GABRB1: variants seen among roughly 807,000 people sequenced by gnomAD.
GABRB1 encodes gamma-aminobutyric acid type A receptor subunit beta1.
In GABRB1, 17 loss-of-function variants were observed where a neutral mutation model predicts 51.6. The observed-to-expected ratio is 0.33, with a 90% CI of 0.23 to 0.49. The LOEUF (loss-of-function observed/expected upper bound fraction) is 0.49, where lower values mean the gene tolerates loss of function less well. Ranked by LOEUF, GABRB1 falls within the 20% of genes least tolerant of loss-of-function variation. GABRB1 has a pLI of 0.99. For missense variants in GABRB1, 410 were observed against 600.6 expected (o/e 0.68, Z 3.32); for synonymous variants, 247 against 218.9 (o/e 1.13, Z -1.14).
intron 3 of GABRB1, among the ~76,000 whole-genome samples, chr4:47,147,048 G>T (rs1035385871): frequency 6.6e-6 from 1 of 151,880 alleles, no homozygotes; most frequent in East Asian, 2.0e-4. Context: ...CTAGAGAGTG[G>T]ATAAGGCACA....
At chr4:47,261,491 G>A (rs563897123) in intron 4 of GABRB1, among the ~76,000 whole-genome samples, 1 of 152,030 alleles carries the variant, frequency 6.6e-6, no homozygotes. Flanking sequence ...ACAAGGGACA[G>A]GAAGGACCTC....
At chr4:47,408,166 G>A (rs186267982) in intron 8 of GABRB1, among the ~76,000 whole-genome samples, 13 of 152,276 alleles carry the variant, frequency 8.5e-5, no homozygotes, top group Admixed American at 7.8e-4. Context: ...AAGGGAGCAG[G>A]ACACTTTGGT....
chr4:47,418,267 T>C (rs1377355829), intron 8 of GABRB1, among the ~76,000 whole-genome samples: 1 of 152,218 alleles, frequency 6.6e-6, no homozygotes, highest in Non-Finnish European at 1.5e-5. Context: ...TTGTGGAAGC[T>C]GGCAAGTCCA....
rs140133791 is a variant in GABRB1, at chr4:47,036,549, T to C, written c.240+4065T>C. ...GCACTTTGAATATCAAGGTAGTACATTATCCTAAGTTCTAGCTTAATTAAG... is the reference window on the plus strand; with the variant it reads ...GCACTTTGAATATCAAGGTAGTACACTATCCTAAGTTCTAGCTTAATTAAG... On this transcript the variant is annotated intron_variant, in intron 3 of 8. Coordinates refer to ENST00000295454, the MANE Select transcript of GABRB1 (RefSeq NM_000812.4). 9.1e-3 allele frequency among the ~76,000 whole-genome samples: 1,382 copies of C among 152,318 alleles called. 18 individuals are homozygous for C. The highest frequency in any genetic ancestry group is 0.031 in the African/African-American group (1,271 of 41,556).
intron 5 of GABRB1, among the ~76,000 whole-genome samples, chr4:47,378,262 G>A (rs541250719): frequency 1.1e-4 from 16 of 152,330 alleles, no homozygotes; most frequent in African/African-American, 3.6e-4. Flanking sequence ...CTGATGGGGG[G>A]ACCCAGCACA....
chr4:47,237,012 T>C (rs984724149), intron 4 of GABRB1, among the ~76,000 whole-genome samples: 2 of 152,074 alleles, frequency 1.3e-5, no homozygotes, highest in African/African-American at 4.8e-5. Context: ...GGTAATAGCA[T>C]ACTAAAAATT....
chr4:47,068,887 C>T (rs1727197088), intron 3 of GABRB1, among the ~76,000 whole-genome samples: 1 of 152,132 alleles, frequency 6.6e-6, no homozygotes, highest in African/African-American at 2.4e-5. Flanking sequence ...GTAAAATATG[C>T]AATATCTGTG....
rs188740820 is a variant in GABRB1 at position 47,081,562 on chromosome 4, G to A, written c.240+49078G>A. Among the ~76,000 whole-genome samples, 4 of 152,108 alleles carry A rather than the reference G, an allele frequency of 2.6e-5. No individual in the cohort carries two copies. In the East Asian group the frequency reaches 7.7e-4, roughly 29 times the overall value. On this transcript the variant is annotated intron_variant, in intron 3 of 8. Coordinates refer to ENST00000295454, the MANE Select transcript of GABRB1 (RefSeq NM_000812.4). ...TATTCAGATATGGTGTACAATTTTTGCATTCAAGGATCATGGTCTTATACT... is the reference window on the plus strand; with the variant it reads ...TATTCAGATATGGTGTACAATTTTTACATTCAAGGATCATGGTCTTATACT...
At chr4:47,333,789 A>T (rs942753086) in intron 5 of GABRB1, among the ~76,000 whole-genome samples, 3 of 152,220 alleles carry the variant, frequency 2.0e-5, no homozygotes, top group African/African-American at 7.2e-5. Flanking sequence ...AACATAAAAA[A>T]TTATATAAGA....
intron 3 of GABRB1, chr4:47,033,029 G>A (rs1481393647): frequency 3.1e-5 from 9 of 289,172 alleles, no homozygotes; most frequent in Non-Finnish European, 5.6e-5. Context: ...TAAGACAACA[G>A]TCCATGTTTG....
chr4:47,372,753 G>A (rs190841414), intron 5 of GABRB1, among the ~76,000 whole-genome samples: 2 of 152,156 alleles, frequency 1.3e-5, no homozygotes, highest in African/African-American at 2.4e-5. Flanking sequence ...TCTGGCCAAA[G>A]ATGTTCTCTG....
At chr4:47,383,133 G>T (rs997010991) in intron 5 of GABRB1, among the ~76,000 whole-genome samples, 4 of 152,188 alleles carry the variant, frequency 2.6e-5, no homozygotes, top group African/African-American at 9.7e-5. Context: ...AAGAAAGCAT[G>T]ACAGTTTGTG....
chr4:47,351,579 T>G (rs1269035719), intron 5 of GABRB1, among the ~76,000 whole-genome samples: 3 of 102,508 alleles, frequency 2.9e-5, no homozygotes, highest in South Asian at 3.9e-4. Context: ...CCCACAACAG[T>G]CCCCGGAGTG....
chr4:47,378,082 G>T (rs373231578), intron 5 of GABRB1, among the ~76,000 whole-genome samples: 1 of 152,332 alleles, frequency 6.6e-6, no homozygotes, highest in Non-Finnish European at 1.5e-5. Flanking sequence ...ACTGGGCGCC[G>T]TAGAGCAGGG....
chr4:47,260,177 T>A (rs1722373045), intron 4 of GABRB1, among the ~76,000 whole-genome samples: 3 of 152,272 alleles, frequency 2.0e-5, no homozygotes, highest in African/African-American at 4.8e-5. Context: ...TCCATTTCCT[T>A]GGTAGATCTT....
At chr4:47,133,742 A>T (rs535001334) in intron 3 of GABRB1, among the ~76,000 whole-genome samples, 42 of 152,296 alleles carry the variant, frequency 2.8e-4, no homozygotes, top group African/African-American at 9.6e-4. Flanking sequence ...CTGTGTTCTC[A>T]CTGCATCCCA....
intron 3 of GABRB1, among the ~76,000 whole-genome samples, chr4:47,137,955 T>A (rs923628899): frequency 6.6e-6 from 1 of 152,146 alleles, no homozygotes; most frequent in African/African-American, 2.4e-5. Flanking sequence ...TATTAATGTA[T>A]ACCCATGTAA....
At chr4:47,355,655 T>A (rs964902820) in intron 5 of GABRB1, among the ~76,000 whole-genome samples, 1 of 152,250 alleles carries the variant, frequency 6.6e-6, no homozygotes, top group Non-Finnish European at 1.5e-5. Flanking sequence ...ACAGTAACAT[T>A]TCTTCCCTGG....
intron 4 of GABRB1, among the ~76,000 whole-genome samples, chr4:47,165,658 T>A (rs1017503472): frequency 7.2e-5 from 11 of 152,118 alleles, no homozygotes; most frequent in Non-Finnish European, 1.3e-4. Context: ...TTGGGAACTG[T>A]AAGGATTCTT....
Sources: gnomAD v4.1 joint callset for allele counts (sites outside exome capture counted in the v4.1 genomes callset) on GRCh38, gnomAD v4.1.1 for gene constraint, MANE v1.5 for transcripts, NCBI Gene and HGNC (gene_info 2026-07-23, HGNC 2026-07-21) for gene names.